SLC16A7: variants seen among roughly 807,000 people sequenced by gnomAD.
The protein encoded by SLC16A7 is solute carrier family 16 member 7, also known as monocarboxylate transporter 2.
A neutral mutation model predicts 34.9 loss-of-function variants in SLC16A7; 33 were observed. That is an observed-to-expected ratio of 0.94 (90% confidence interval 0.72 to 1.26). The LOEUF is 1.26. SLC16A7 is among the 50% of genes most tolerant of loss of function. The pLI is 0.00. For synonymous variants in SLC16A7, 201 were observed against 206.6 expected (o/e 0.97, Z 0.23); for missense variants, 573 against 578.1 (o/e 0.99, Z 0.09).
rs549132865 is a variant in SLC16A7 at position 59,786,191 on chromosome 12, T to TAAATAAAATAAAATAAAATA, written c.*6514_*6533dup. On this transcript the variant is annotated 3_prime_UTR_variant, in exon 6 of 6. Coordinates refer to ENST00000547379, the MANE Select transcript of SLC16A7 (RefSeq NM_001270623.2). The stretch of plus-strand genomic sequence containing the variant: ...CCTAAAACTTAAAGTATAATAATAA[T>TAAATAAAATAAAATAAAATA]AAATAAAATAAAATAAAATAATAAA... The TAAATAAAATAAAATAAAATA allele has an allele frequency of 5.3e-5, 8 of 150,412 alleles. No homozygotes were observed. The highest frequency in any genetic ancestry group is 2.0e-4 in the African/African-American group (8 of 40,914). 9.3% of individuals were successfully genotyped at this position (150,412 alleles called of 1,614,324 possible).
At chr12:59,694,806 A>C (rs1244617729) in intron 2 of SLC16A7, among the ~76,000 whole-genome samples, 1 of 152,006 alleles carries the variant, frequency 6.6e-6, no homozygotes, top group African/African-American at 2.4e-5. Flanking sequence ...CATTGTATAA[A>C]TATATCTGCA....
chr12:59,698,377 T>C (rs985024285), intron 2 of SLC16A7, among the ~76,000 whole-genome samples: 3 of 151,764 alleles, frequency 2.0e-5, no homozygotes, highest in African/African-American at 7.2e-5. Context: ...ACATTGAATA[T>C]ACATATATAC....
At chr12:59,718,408 G>T (rs139298902) in intron 3 of SLC16A7, among the ~76,000 whole-genome samples, 1 of 152,104 alleles carries the variant, frequency 6.6e-6, no homozygotes, top group Non-Finnish European at 1.5e-5. Flanking sequence ...TGACATAGTG[G>T]AATAGTGGTA....
At chr12:59,618,122 T>G (rs1273368811) in intron 1 of SLC16A7, among the ~76,000 whole-genome samples, 1 of 151,948 alleles carries the variant, frequency 6.6e-6, no homozygotes, top group Admixed American at 6.6e-5. Flanking sequence ...TCCTGATATC[T>G]TTATCCCAAA....
chr12:59,660,680 C>T (rs1868801004), intron 2 of SLC16A7, among the ~76,000 whole-genome samples: 1 of 151,852 alleles, frequency 6.6e-6, no homozygotes, highest in South Asian at 2.1e-4. Context: ...CTGCACTCCA[C>T]CCTGGGTGAA....
Position 59,789,467 on chromosome 12 carries a change from C to A in SLC16A7, c.*9788C>A, listed in dbSNP as rs943473495. The A allele has an allele frequency of 6.6e-6, 1 of 152,022 alleles. No homozygotes were observed. The highest frequency in any genetic ancestry group is 2.4e-5 in the African/African-American group (1 of 41,418). 9.4% of individuals were successfully genotyped at this position (152,022 alleles called of 1,614,324 possible). ...TATTTTCTTTTCAAAATCAGAAATG[C>A]TGTATTTAAGCTTCCTGGAAATGTC... On this transcript the variant is annotated 3_prime_UTR_variant, in exon 6 of 6. Transcript: ENST00000547379.
At chr12:59,673,891 C>A (rs924230298) in intron 2 of SLC16A7, among the ~76,000 whole-genome samples, 2 of 152,010 alleles carry the variant, frequency 1.3e-5, no homozygotes, top group African/African-American at 2.4e-5. Context: ...TGCAAATATT[C>A]TTGTTGGATT....
In SLC16A7 at chr12:59,764,398, T is replaced by C. The variant is rs375902669; in HGVS notation, c.218-6821T>C. 9.2e-5 allele frequency among the ~76,000 whole-genome samples: 14 copies of C among 152,240 alleles called. No homozygotes were observed. In the East Asian group the frequency reaches 2.3e-3, roughly 25 times the overall value. On this transcript the variant is annotated intron_variant, in intron 3 of 5. Transcript: ENST00000547379. ...GCACAACGTGCAGGTTTGTTACATA[T>C]GTATACATGTGCCATGTTGGTGTGC... is the stretch of plus-strand genomic sequence containing the variant.
At chr12:59,686,371 T>A (rs1158385904) in intron 2 of SLC16A7, among the ~76,000 whole-genome samples, 1 of 152,048 alleles carries the variant, frequency 6.6e-6, no homozygotes, top group Non-Finnish European at 1.5e-5. Context: ...GAAACTAAGA[T>A]CCAGTATTAT....
intron 1 of SLC16A7, among the ~76,000 whole-genome samples, chr12:59,639,419 C>T (rs961293946): frequency 1.3e-5 from 2 of 152,224 alleles, no homozygotes; most frequent in East Asian, 1.9e-4. Context: ...AGATCTCACT[C>T]GGTTGCCCAG....
At chr12:59,715,825 A>T (rs556823719) in intron 3 of SLC16A7, among the ~76,000 whole-genome samples, 2 of 152,302 alleles carry the variant, frequency 1.3e-5, no homozygotes, top group African/African-American at 4.8e-5. Flanking sequence ...CATTTCTTAT[A>T]CTTTATAAAG....
chr12:59,597,862 C>T (rs888883295), intron 1 of SLC16A7, among the ~76,000 whole-genome samples: 3 of 152,164 alleles, frequency 2.0e-5, no homozygotes. Context: ...TTACATATTA[C>T]TTTTTTCCCC....
At chr12:59,653,787 C>G (rs1052721125) in intron 1 of SLC16A7, among the ~76,000 whole-genome samples, 36 of 151,618 alleles carry the variant, frequency 2.4e-4, no homozygotes, top group African/African-American at 8.5e-4. Context: ...TCAAGGTTCT[C>G]TGGTTAAATC....
intron 3 of SLC16A7, among the ~76,000 whole-genome samples, chr12:59,743,864 C>T (rs17649424): frequency 0.25 from 37,863 of 152,014 alleles, 4,789 homozygotes; most frequent in East Asian, 0.31. Context: ...GTCACAAGAA[C>T]TTAACTTTTC....
At chr12:59,620,848 A>G (rs999291218) in intron 1 of SLC16A7, among the ~76,000 whole-genome samples, 7 of 151,918 alleles carry the variant, frequency 4.6e-5, no homozygotes, top group African/African-American at 1.7e-4. Flanking sequence ...AGAAATATTT[A>G]TAGTTTTTAT....
intron 2 of SLC16A7, among the ~76,000 whole-genome samples, chr12:59,687,108 T>A (rs1871221638): frequency 6.6e-6 from 1 of 151,866 alleles, no homozygotes; most frequent in Admixed American, 6.6e-5. Context: ...TAAAAAAAAA[T>A]GCTAAAGTCA....
intron 2 of SLC16A7, among the ~76,000 whole-genome samples, chr12:59,659,226 A>T (rs1482398830): frequency 6.6e-6 from 1 of 152,110 alleles, no homozygotes; most frequent in Non-Finnish European, 1.5e-5. Context: ...ACACACACAC[A>T]TATAGCCTCC....
chr12:59,634,558 A>C (rs1253357509), intron 1 of SLC16A7, among the ~76,000 whole-genome samples: 2 of 151,972 alleles, frequency 1.3e-5, no homozygotes, highest in Non-Finnish European at 2.9e-5. Flanking sequence ...CGAGATTCTT[A>C]CTGAAGATAG....
intron 3 of SLC16A7, among the ~76,000 whole-genome samples, chr12:59,716,355 C>A (rs949286039): frequency 6.6e-6 from 1 of 151,946 alleles, no homozygotes; most frequent in East Asian, 1.9e-4. Flanking sequence ...CTCCGATCTA[C>A]GTCAGATTCA....
Sources: gnomAD v4.1 joint callset for allele counts (sites outside exome capture counted in the v4.1 genomes callset) on GRCh38, gnomAD v4.1.1 for gene constraint, MANE v1.5 for transcripts, NCBI Gene and HGNC (gene_info 2026-07-23, HGNC 2026-07-21) for gene names.